The following DOCK5 variants were observed in gnomAD, a reference collection of about 807,000 sequenced individuals.
DOCK5 encodes the protein dedicator of cytokinesis protein 5.
DOCK5 carries 142 observed loss-of-function variants against 251.8 expected under a neutral mutation model. The ratio of observed to expected loss-of-function variants is 0.56; its 90% CI spans 0.49 to 0.65. The LOEUF (loss-of-function observed/expected upper bound fraction) is 0.65, where lower values mean the gene tolerates loss of function less well. Among genes scored for constraint, DOCK5 ranks in the 30% least tolerant of loss-of-function variants. The pLI is 0.00. For synonymous variants in DOCK5, 842 were observed against 835.5 expected (o/e 1.01, Z -0.13); for missense variants, 2,111 against 2,312.3 (o/e 0.91, Z 1.79).
chr8:25,208,088 A>C (rs561085495), intron 1 of DOCK5, among the ~76,000 whole-genome samples: 3 of 152,342 alleles, frequency 2.0e-5, no homozygotes, highest in South Asian at 2.1e-4. Flanking sequence ...GATGTTGTGG[A>C]AATAGCAAGA....
At chr8:25,234,050 C>T (rs1802735492) in intron 1 of DOCK5, among the ~76,000 whole-genome samples, 1 of 152,218 alleles carries the variant, frequency 6.6e-6, no homozygotes, top group African/African-American at 2.4e-5. Context: ...AGCTTGTCCT[C>T]AGACTGGCCC....
At chr8:25,390,071 G>T (rs1000798) in intron 41 of DOCK5, 135 bp from the exon 42 acceptor site, 337,209 of 570,964 alleles carry the variant, frequency 0.59, 103,517 homozygotes, top group East Asian at 0.64. Context: ...TTTTCAGTGT[G>T]GTCCTGGCAT....
intron 1 of DOCK5, among the ~76,000 whole-genome samples, chr8:25,227,555 A>G (rs1358034344): frequency 2.6e-5 from 4 of 152,148 alleles, no homozygotes; most frequent in South Asian, 2.1e-4. Flanking sequence ...GAAAGTTCCA[A>G]TGTCTTGAAA....
chr8:25,187,998 G>A (rs1198186501), intron 1 of DOCK5, among the ~76,000 whole-genome samples: 3 of 152,324 alleles, frequency 2.0e-5, no homozygotes, highest in Admixed American at 2.0e-4. Flanking sequence ...GACCATTGTG[G>A]TTTTGTATTC....
chr8:25,373,746 G>C (rs560317773), intron 36 of DOCK5, 88 bp downstream of exon 36: 16 of 1,315,074 alleles, frequency 1.2e-5, no homozygotes, highest in Non-Finnish European at 1.6e-5. Context: ...TCCCAACACC[G>C]TGTTTGCTGC....
chr8:25,227,456 C>T (rs1802559583), intron 1 of DOCK5, among the ~76,000 whole-genome samples: 1 of 151,278 alleles, frequency 6.6e-6, no homozygotes, highest in Admixed American at 6.6e-5. Context: ...TAATTATATG[C>T]ATTTTGGATA....
intron 2 of DOCK5, among the ~76,000 whole-genome samples, chr8:25,255,967 T>C (rs961496468): frequency 3.3e-5 from 5 of 152,238 alleles, no homozygotes; most frequent in Non-Finnish European, 5.9e-5. Context: ...ATGGTCATAG[T>C]AGCAGGAAAC....
chr8:25,399,428 C>G (rs960965783), intron 45 of DOCK5, among the ~76,000 whole-genome samples: 1 of 152,128 alleles, frequency 6.6e-6, no homozygotes, highest in Non-Finnish European at 1.5e-5. Flanking sequence ...AAATATTAAC[C>G]TTCACTTAAT....
chr8:25,374,465 G>A lies in DOCK5; in HGVS notation c.3726-99G>A, dbSNP rs951215801. The A allele has an allele frequency of 4.3e-5, 49 of 1,144,018 alleles. No individual in the cohort carries two copies. In the Middle Eastern group the frequency reaches 8.2e-4, roughly 19 times the overall value. 70.9% of individuals were successfully genotyped at this position (1,144,018 alleles called of 1,614,324 possible). ...AGCCATGATCGGACCACTGCATACT[G>A]CAGCCTGGGCAATACAGCAAGACCC... On this transcript the variant is annotated intron_variant, in intron 36 of 51. Transcript: ENST00000276440.
rs535397663 is a variant in DOCK5 at position 25,321,087 on chromosome 8, T to TA, written c.1615+43dup. ...AAGACGTCTATGACATATTTCCACT[T>TA]AAAAAAAATTTGCTCTGGCTTGACA... On this transcript the variant is annotated intron_variant, in intron 16 of 51. Coordinates refer to ENST00000276440, the MANE Select transcript of DOCK5 (RefSeq NM_024940.8). 635 of 1,592,034 alleles carry TA rather than the reference T, an allele frequency of 4.0e-4. 2 individuals carry two copies. In the African/African-American group the frequency reaches 6.0e-3, roughly 15 times the overall value.
At chr8:25,241,011 C>G (rs1425055967) in intron 1 of DOCK5, among the ~76,000 whole-genome samples, 1 of 152,220 alleles carries the variant, frequency 6.6e-6, no homozygotes, top group Non-Finnish European at 1.5e-5. Context: ...TCAGGTGTGT[C>G]TCTCAGCTCT....
In DOCK5 at chr8:25,323,895, A is replaced by G. The variant is rs773214776; in HGVS notation, c.1663A>G (p.Met555Val). 6.2e-7 allele frequency: 1 copy of G among 1,613,564 alleles called. No individual in the cohort carries two copies. The highest frequency in any genetic ancestry group is 1.1e-5 in the South Asian group (1 of 90,892). Residue 555 changes from methionine (M) to valine (V), a missense_variant, in exon 17 of 52, where the codon ATG becomes GTG. Met to Val is a conservative substitution (Grantham distance 21). Around this residue, in one of 3 missense-constraint regions of DOCK5, gnomAD observed 1,717 missense variants for 1,892.4 expected, o/e 0.91. Coordinates refer to ENST00000276440, the MANE Select transcript of DOCK5 (RefSeq NM_024940.8). ...ATTTGGGGTGGCCTTCGTGAAGCTG[A>G]TGAACCCGGATGGCACCACTCTGCA... ...RAFGVAFVKL[M>V]NPDGTTLQDG... is the part of the protein sequence containing the mutation.
At chr8:25,355,476 G>T (rs569506077) in intron 27 of DOCK5, among the ~76,000 whole-genome samples, 1 of 152,072 alleles carries the variant, frequency 6.6e-6, no homozygotes, top group Non-Finnish European at 1.5e-5. Flanking sequence ...TTGAGACAGG[G>T]TGTCACTCTG....
At chr8:25,318,592 CTTT>C (rs546657586) in intron 14 of DOCK5, among the ~76,000 whole-genome samples, 11,952 of 88,276 alleles carry the variant, frequency 0.14, 915 homozygotes, top group South Asian at 0.25. Context: ...TTCTTTCCTT[CTTT>C]TTTTTTTTTT....
intron 18 of DOCK5, among the ~76,000 whole-genome samples, chr8:25,328,184 A>T (rs1271449799): frequency 6.6e-6 from 1 of 152,008 alleles, no homozygotes; most frequent in Admixed American, 6.6e-5. Context: ...TTATTTTGTC[A>T]TCCTTATTCC....
chr8:25,225,832 G>A (rs1324035630), intron 1 of DOCK5, among the ~76,000 whole-genome samples: 1 of 152,160 alleles, frequency 6.6e-6, no homozygotes, highest in Non-Finnish European at 1.5e-5. Flanking sequence ...GAGGTCCCTA[G>A]AGTAGTCAGA....
intron 1 of DOCK5, among the ~76,000 whole-genome samples, chr8:25,243,170 A>T (rs1309198974): frequency 6.6e-6 from 1 of 152,044 alleles, no homozygotes; most frequent in Non-Finnish European, 1.5e-5. Context: ...CCCCTCTATC[A>T]CTAGTCTCTA....
intron 5 of DOCK5, 98 bp from the exon 6 acceptor site, chr8:25,291,926 C>A: frequency 3.7e-6 from 4 of 1,094,654 alleles, no homozygotes; most frequent in Admixed American, 3.3e-5. Context: ...ATCTGTCTGA[C>A]ATTCCCGTTA....
At chr8:25,199,924 G>T (rs1801840154) in intron 1 of DOCK5, among the ~76,000 whole-genome samples, 1 of 151,202 alleles carries the variant, frequency 6.6e-6, no homozygotes, top group African/African-American at 2.4e-5. Context: ...AAGCAGAGAA[G>T]GCCTGTCTAT....
Sources: gnomAD v4.1 joint callset for allele counts (sites outside exome capture counted in the v4.1 genomes callset) on GRCh38, gnomAD v4.1.1 for gene constraint, gnomAD v4.1.1 regional missense constraint, MANE v1.5 for transcripts, NCBI Gene and HGNC (gene_info 2026-07-23, HGNC 2026-07-21) for gene names.